Variants in C2CD5 observed in about 807,000 individuals in gnomAD.
C2CD5 encodes C2 calcium dependent domain containing 5.
In C2CD5, 109 loss-of-function variants were observed where a neutral mutation model predicts 130.3. The observed-to-expected ratio is 0.84, with a 90% CI of 0.72 to 0.98. The LOEUF is 0.98. C2CD5 is among the 50% of genes least tolerant of loss of function. The pLI, the probability that C2CD5 is intolerant of heterozygous loss-of-function variation, is 0.00. For synonymous variants in C2CD5, 454 were observed against 429.2 expected (o/e 1.06, Z -0.71); for missense variants, 996 against 1,261.8 (o/e 0.79, Z 3.19).
chr12:22,475,864 A>C (rs1179177706), intron 15 of C2CD5, among the ~76,000 whole-genome samples: 1 of 152,184 alleles, frequency 6.6e-6, no homozygotes, highest in African/African-American at 2.4e-5. Context: ...GTAAATTAGT[A>C]GTCTGCCTAA....
Position 22,518,046 on chromosome 12 carries a change from T to G in C2CD5, c.892A>C (p.Lys298Gln), listed in dbSNP as rs764174998. Residue 298 changes from lysine (K) to glutamine (Q), a missense_variant, in exon 8 of 27, where the codon AAG (lysine) becomes CAG (glutamine). Lys to Gln is a moderately conservative substitution (Grantham distance 53). Around this residue, in one of 9 missense-constraint regions of C2CD5, gnomAD observed 156 missense variants for 165.9 expected, o/e 0.94. Coordinates refer to ENST00000446597, the MANE Select transcript of C2CD5 (RefSeq NM_001286176.2). ...GAAGAGGACTGTCGACTGTAGGACT[T>G]GGAAGGTGAAAAGGAATAAGTTTGG... ...KNQTYSFSPS[K>Q]SYSRQSSSSD... 1.2e-6 allele frequency: 2 copies of G among 1,613,964 alleles called. No homozygotes were observed. Among genetic ancestry groups the G allele is most frequent in the South Asian group, 2.2e-5 (2 of 91,076 alleles).
intron 14 of C2CD5, among the ~76,000 whole-genome samples, chr12:22,480,810 T>A (rs1328624450): frequency 1.3e-5 from 2 of 152,084 alleles, no homozygotes; most frequent in Non-Finnish European, 2.9e-5. Flanking sequence ...GAAATTTTTT[T>A]TTTTTTTTTA....
chr12:22,527,330 ATTTT>A (rs752914937), intron 4 of C2CD5, among the ~76,000 whole-genome samples: 3 of 138,148 alleles, frequency 2.2e-5, no homozygotes, highest in African/African-American at 8.4e-5. Flanking sequence ...ATATATATAT[ATTTT>A]TTTTTTTTTT....
rs1290397975 is a variant in C2CD5, at chr12:22,458,637, T to C, written c.2585-52A>G. 3 of 716,546 alleles carry C rather than the reference T, an allele frequency of 4.2e-6. No individual in the cohort carries two copies. In the African/African-American group the frequency reaches 5.5e-5, roughly 13 times the overall value. 44.4% of individuals were successfully genotyped at this position (716,546 alleles called of 1,614,324 possible). On this transcript the variant is annotated intron_variant, in intron 23 of 26. Transcript: ENST00000446597. ...AAAAAAACAAAGAAAAAAATATGGA[T>C]GATGTCTCTTACTCGTCTTAACACT...
chr12:22,537,102 T>C (rs1346535254), intron 2 of C2CD5, among the ~76,000 whole-genome samples: 1 of 152,250 alleles, frequency 6.6e-6, no homozygotes, highest in Non-Finnish European at 1.5e-5. Flanking sequence ...TACATGATTT[T>C]TTAAGTGACA....
At chr12:22,522,955 G>A (rs1950400301) in intron 7 of C2CD5, among the ~76,000 whole-genome samples, 1 of 152,124 alleles carries the variant, frequency 6.6e-6, no homozygotes, top group Non-Finnish European at 1.5e-5. Context: ...GCTCACACCT[G>A]TAAATCCCAG....
At chr12:22,450,332 C>G (rs958015864) in intron 26 of C2CD5, among the ~76,000 whole-genome samples, 1 of 151,958 alleles carries the variant, frequency 6.6e-6, no homozygotes, top group Non-Finnish European at 1.5e-5. Context: ...ATATGTGTTC[C>G]CTAGAGAAAT....
Position 22,449,692 on chromosome 12 carries a change from A to G in C2CD5, c.*68T>C. 2.9e-6 allele frequency: 4 copies of G among 1,375,912 alleles called. No homozygotes were observed. The highest frequency in any genetic ancestry group is 4.1e-6 in the Non-Finnish European group (4 of 982,762). 85.2% of individuals were successfully genotyped at this position (1,375,912 alleles called of 1,614,324 possible). A position where few individuals can be genotyped will look rare whatever the true frequency, so the allele number is the denominator to read the frequency against. ...CAAGTTCAATTTTAAGTCTAAGAAGATAATTAATGACAAAATAACAGAGAT... is the reference window on the plus strand; with the variant it reads ...CAAGTTCAATTTTAAGTCTAAGAAGGTAATTAATGACAAAATAACAGAGAT... On this transcript the variant is annotated 3_prime_UTR_variant, in exon 27 of 27. Coordinates refer to ENST00000446597, the MANE Select transcript of C2CD5 (RefSeq NM_001286176.2).
At chr12:22,483,346 T>C (rs1299278062) in intron 13 of C2CD5, among the ~76,000 whole-genome samples, 1 of 152,054 alleles carries the variant, frequency 6.6e-6, no homozygotes, top group Non-Finnish European at 1.5e-5. Flanking sequence ...ATGTTAGTCA[T>C]TAAAAAAAAT....
At chr12:22,499,944 T>A (rs1947543235) in intron 10 of C2CD5, among the ~76,000 whole-genome samples, 1 of 152,210 alleles carries the variant, frequency 6.6e-6, no homozygotes, top group South Asian at 2.1e-4. Context: ...TCCCCACACT[T>A]TGGGAGGCTG....
At chr12:22,463,684 C>A (rs1353904198) in intron 22 of C2CD5, 4 of 152,176 alleles carry the variant, frequency 2.6e-5, no homozygotes, top group Non-Finnish European at 4.4e-5. Context: ...GAATAAATTT[C>A]TACACTGATC....
chr12:22,475,166 A>T (rs983855848), intron 15 of C2CD5, among the ~76,000 whole-genome samples: 2 of 152,080 alleles, frequency 1.3e-5, no homozygotes, highest in African/African-American at 4.8e-5. Flanking sequence ...ATGTGTATGG[A>T]ATTGGCAGTC....
At chr12:22,481,832 T>C (rs11612850) in intron 14 of C2CD5, among the ~76,000 whole-genome samples, 1 of 140,306 alleles carries the variant, frequency 7.1e-6, no homozygotes, top group Non-Finnish European at 1.5e-5. Flanking sequence ...ATAGAGACAG[T>C]GGTCTCACCC....
rs1269435094 is a variant in C2CD5 at position 22,475,428 on chromosome 12, G to A, written c.1903-537C>T. Among the ~76,000 whole-genome samples, 3 of 151,992 alleles carry A rather than the reference G, an allele frequency of 2.0e-5. No individual in the cohort carries two copies. The East Asian group carries it at 5.8e-4, about 29-fold the overall frequency. On this transcript the variant is annotated intron_variant, in intron 15 of 26. Transcript: ENST00000446597. ...CAATTTATTAAGCTAAATAAACATT[G>A]GTACTTACAATAATGATCTTTTTAA... is the stretch of plus-strand genomic sequence containing the variant.
chr12:22,487,143 G>C (rs954348983), intron 12 of C2CD5, among the ~76,000 whole-genome samples: 1 of 152,086 alleles, frequency 6.6e-6, no homozygotes, highest in African/African-American at 2.4e-5. Context: ...ACATAGGCAT[G>C]GACAAGGACT....
chr12:22,481,938 AC>A (rs1944788780), intron 14 of C2CD5, among the ~76,000 whole-genome samples: 1 of 150,972 alleles, frequency 6.6e-6, no homozygotes, highest in African/African-American at 2.4e-5. Flanking sequence ...GGCCAGAAAC[AC>A]CTGTATTTTA....
At chr12:22,517,120 G>A (rs1032009220) in intron 8 of C2CD5, among the ~76,000 whole-genome samples, 4 of 151,730 alleles carry the variant, frequency 2.6e-5, no homozygotes, top group Non-Finnish European at 5.9e-5. Flanking sequence ...CAAAATCTAG[G>A]ATTGTTTTAT....
intron 8 of C2CD5, 56 bp downstream of exon 8, chr12:22,517,930 A>C: frequency 1.4e-6 from 2 of 1,436,864 alleles, no homozygotes; most frequent in Non-Finnish European, 1.9e-6. Flanking sequence ...AGCTAATAAG[A>C]AATAGAAACA....
intron 12 of C2CD5, among the ~76,000 whole-genome samples, 199 bp from the exon 13 acceptor site, chr12:22,485,087 A>G (rs559892988): frequency 6.6e-6 from 1 of 152,250 alleles, no homozygotes; most frequent in South Asian, 2.1e-4. Context: ...TTTTCCTATG[A>G]GAGAAAAGAC....
Sources: allele counts gnomAD v4.1 joint callset (sites outside exome capture counted in the v4.1 genomes callset), GRCh38; gene constraint gnomAD v4.1.1; regional missense constraint gnomAD v4.1.1; transcripts MANE v1.5; gene names NCBI Gene and HGNC (gene_info 2026-07-23, HGNC 2026-07-21).